CACNG3: variants seen among roughly 807,000 people sequenced by gnomAD.
CACNG3 encodes the protein voltage-dependent calcium channel gamma-3 subunit.
Under a neutral mutation model 28.5 loss-of-function variants are expected in CACNG3, and 3 were observed. The ratio of observed to expected loss-of-function variants is 0.11; its 90% confidence interval spans 0.05 to 0.27. The LOEUF (loss-of-function observed/expected upper bound fraction) is 0.27, where lower values mean the gene tolerates loss of function less well. CACNG3 is among the 10% of genes least tolerant of loss of function. CACNG3 has a pLI of 1.00. For synonymous variants in CACNG3, 174 were observed against 162.2 expected (o/e 1.07, Z -0.55); for missense variants, 236 against 414.4 (o/e 0.57, Z 3.74).
intron 1 of CACNG3, among the ~76,000 whole-genome samples, chr16:24,317,660 G>GAAAGAAAGAAAGAAAGAAAGAAAGGA (rs1899393634): frequency 1.3e-5 from 1 of 78,342 alleles, no homozygotes; most frequent in African/African-American, 6.1e-5. Context: ...AAGAAAGAAA[G>GAAAGAAAGAAAGAAAGAAAGAAAGGA]AAAGAAAGAA....
intron 1 of CACNG3, among the ~76,000 whole-genome samples, chr16:24,325,902 G>A (rs1219212290): frequency 2.0e-5 from 3 of 152,190 alleles, no homozygotes; most frequent in Non-Finnish European, 4.4e-5. Context: ...TCAAATAAGC[G>A]TAAGCAGCCA....
At chr16:24,316,799 C>T (rs1444593611) in intron 1 of CACNG3, among the ~76,000 whole-genome samples, 1 of 152,212 alleles carries the variant, frequency 6.6e-6, no homozygotes, top group Non-Finnish European at 1.5e-5. Context: ...GACACAGTGG[C>T]CCCATGTGGA....
chr16:24,280,683 G>C (rs2141350938), intron 1 of CACNG3, among the ~76,000 whole-genome samples: 1 of 152,036 alleles, frequency 6.6e-6, no homozygotes, highest in Non-Finnish European at 1.5e-5. Flanking sequence ...GGGCGTGGTG[G>C]TGCATGCCTG....
intron 1 of CACNG3, among the ~76,000 whole-genome samples, chr16:24,278,700 A>T (rs2141350233): frequency 6.6e-6 from 1 of 152,308 alleles, no homozygotes; most frequent in South Asian, 2.1e-4. Context: ...AACTTACACG[A>T]TTACATCTGA....
intron 3 of CACNG3, among the ~76,000 whole-genome samples, chr16:24,358,699 C>A (rs1296290737): frequency 6.6e-6 from 1 of 152,178 alleles, no homozygotes; most frequent in Non-Finnish European, 1.5e-5. Flanking sequence ...TTTCCCTAAG[C>A]CTTGTTACTG....
At chr16:24,317,614 G>GGAAGGA in intron 1 of CACNG3, among the ~76,000 whole-genome samples, 1 of 66,034 alleles carries the variant, frequency 1.5e-5, no homozygotes, top group South Asian at 5.1e-4. Context: ...AAGAAAGAAA[G>GGAAGGA]AAAGAAAGAA....
chr16:24,276,894 T>A (rs1898760000), intron 1 of CACNG3, among the ~76,000 whole-genome samples: 1 of 152,226 alleles, frequency 6.6e-6, no homozygotes, highest in Non-Finnish European at 1.5e-5. Context: ...TTGACCAAGT[T>A]TTTGGTGGAT....
intron 1 of CACNG3, among the ~76,000 whole-genome samples, chr16:24,288,764 T>C (rs1266972418): frequency 6.6e-6 from 1 of 152,108 alleles, no homozygotes; most frequent in Non-Finnish European, 1.5e-5. Flanking sequence ...CCCCAGCTCG[T>C]TAGAAAGCAA....
intron 2 of CACNG3, among the ~76,000 whole-genome samples, chr16:24,352,298 T>C (rs1899959399): frequency 6.6e-6 from 1 of 151,838 alleles, no homozygotes; most frequent in East Asian, 1.9e-4. Context: ...CAAAATAAAC[T>C]CGCATCCCTC....
chr16:24,306,799 C>A (rs1032926916), intron 1 of CACNG3, among the ~76,000 whole-genome samples: 1 of 152,174 alleles, frequency 6.6e-6, no homozygotes, highest in South Asian at 2.1e-4. Context: ...GAAGCCCCTC[C>A]TGGCCTCACC....
At chr16:24,314,807 C>T (rs918218633) in intron 1 of CACNG3, among the ~76,000 whole-genome samples, 25 of 149,380 alleles carry the variant, frequency 1.7e-4, no homozygotes, top group African/African-American at 6.1e-4. Context: ...TCATGCCTTC[C>T]AGGAGTCCCA....
Position 24,256,718 on chromosome 16 carries a change from C to T in CACNG3, c.-37C>T. 6.9e-7 allele frequency: 1 copy of T among 1,459,544 alleles called. No homozygotes were observed. Among genetic ancestry groups the T allele is most frequent in the Non-Finnish European group, 9.6e-7 (1 of 1,039,896 alleles). 90.4% of individuals were successfully genotyped at this position (1,459,544 alleles called of 1,614,324 possible). On this transcript the variant is annotated 5_prime_UTR_variant, in exon 1 of 4. Transcript: ENST00000005284. The surrounding 1 kb of genome is among the most constrained non-coding windows in gnomAD (Gnocchi z 4.6). ...TTCCCCTCCGGCACTGACTCTCCCC[C>T]TCCAACCCCCAGCCGTCCAGAGTAC... is the stretch of plus-strand genomic sequence containing the variant.
At chr16:24,358,099 GT>G (rs1354834316) in intron 3 of CACNG3, among the ~76,000 whole-genome samples, 2 of 151,480 alleles carry the variant, frequency 1.3e-5, no homozygotes, top group African/African-American at 2.4e-5. Flanking sequence ...CTCTAAGGCT[GT>G]TTTTTGCTCA....
At chr16:24,338,693 C>G (rs1172188722) in intron 1 of CACNG3, among the ~76,000 whole-genome samples, 3 of 152,174 alleles carry the variant, frequency 2.0e-5, no homozygotes, top group Non-Finnish European at 2.9e-5. Flanking sequence ...TATAGTCTCT[C>G]TCCTCAGTGA....
chr16:24,311,829 G>T (rs920283843), intron 1 of CACNG3, among the ~76,000 whole-genome samples: 1 of 152,180 alleles, frequency 6.6e-6, no homozygotes, highest in Admixed American at 6.5e-5. Context: ...CAGCCTGGGC[G>T]ACAGAGCAAG....
At chr16:24,303,695 A>G (rs570114438) in intron 1 of CACNG3, among the ~76,000 whole-genome samples, 1 of 152,234 alleles carries the variant, frequency 6.6e-6, no homozygotes, top group Admixed American at 6.5e-5. Context: ...AGACAGGTGG[A>G]TCACCTGAGC....
chr16:24,275,279 G>T (rs531892682), intron 1 of CACNG3, among the ~76,000 whole-genome samples: 1 of 152,240 alleles, frequency 6.6e-6, no homozygotes, highest in Non-Finnish European at 1.5e-5. Context: ...AAAACTGTTG[G>T]AGCCTGACCA....
At chr16:24,309,231 A>T (rs939605271) in intron 1 of CACNG3, among the ~76,000 whole-genome samples, 39 of 152,250 alleles carry the variant, frequency 2.6e-4, no homozygotes, top group African/African-American at 9.4e-4. Context: ...AATGACATCT[A>T]CTGCCTAATA....
At chr16:24,346,923 A>G (rs9929236) in intron 2 of CACNG3, 106 bp downstream of exon 2, 31,169 of 840,062 alleles carry the variant, frequency 0.037, 1,139 homozygotes, top group African/African-American at 0.15. Context: ...CCCTAGAAAT[A>G]GATAAGTGCA....
Sources: gnomAD v4.1 joint callset for allele counts (sites outside exome capture counted in the v4.1 genomes callset) on GRCh38, gnomAD v4.1.1 for gene constraint, Gnocchi (gnomAD v3.1) non-coding constraint, MANE v1.5 for transcripts, NCBI Gene and HGNC (gene_info 2026-07-23, HGNC 2026-07-21) for gene names.